The following PDE11A variants were observed in gnomAD, a reference collection of about 807,000 sequenced individuals.
PDE11A encodes the protein phosphodiesterase 11A, also known as dual 3',5'-cyclic-AMP and -GMP phosphodiesterase 11A.
A neutral mutation model predicts 100.5 loss-of-function variants in PDE11A; 100 were observed. The observed-to-expected ratio is 1.00, with a 90% CI of 0.85 to 1.18. The LOEUF is 1.18. Among genes scored for constraint, PDE11A ranks in the 50% most tolerant of loss-of-function variants. The pLI is 0.00. For synonymous variants in PDE11A, 381 were observed against 420.8 expected, an observed-to-expected ratio of 0.91 and a Z score of 1.16; for missense variants, 1,141 against 1,152.6, an observed-to-expected ratio of 0.99 and a Z score of 0.15.
chr2:177,860,057 C>G (rs1256847483), intron 5 of PDE11A, among the ~76,000 whole-genome samples: 1 of 151,560 alleles, frequency 6.6e-6, no homozygotes, highest in African/African-American at 2.4e-5. Context: ...CCTTAAGATA[C>G]TAGAAAAAGG....
chr2:178,078,978 C>G (rs958922409), intron 2 of PDE11A, among the ~76,000 whole-genome samples: 1 of 152,108 alleles, frequency 6.6e-6, no homozygotes, highest in African/African-American at 2.4e-5. Context: ...TGAAGTCTGA[C>G]AGACAAGGAA....
chr2:178,038,243 C>T (rs980521399), intron 1 of PDE11A, among the ~76,000 whole-genome samples: 2 of 151,974 alleles, frequency 1.3e-5, no homozygotes, highest in African/African-American at 4.8e-5. Flanking sequence ...ATCACCCCCA[C>T]CAAAGTTTCT....
intron 2 of PDE11A, among the ~76,000 whole-genome samples, chr2:177,942,406 A>ATTAT (rs1553492182): frequency 1.5e-5 from 2 of 136,864 alleles, no homozygotes; most frequent in South Asian, 2.4e-4. Context: ...TTTTAAAATT[A>ATTAT]TTTTTTTTTT....
At chr2:177,897,714 G>C (rs1192963307) in intron 4 of PDE11A, among the ~76,000 whole-genome samples, 1 of 152,138 alleles carries the variant, frequency 6.6e-6, no homozygotes, top group Non-Finnish European at 1.5e-5. Flanking sequence ...ACCCTTCATA[G>C]GTAAATAAAA....
At chr2:178,095,503 T>C (rs941999644) in intron 2 of PDE11A, among the ~76,000 whole-genome samples, 1 of 152,212 alleles carries the variant, frequency 6.6e-6, no homozygotes, top group Non-Finnish European at 1.5e-5. Flanking sequence ...CAGGCTGGCA[T>C]TGAGTGTCTG....
At chr2:177,808,925 T>G (rs554687944) in intron 9 of PDE11A, among the ~76,000 whole-genome samples, 2 of 152,306 alleles carry the variant, frequency 1.3e-5, no homozygotes, top group Non-Finnish European at 2.9e-5. Context: ...GGAATATTAT[T>G]CAAGCCTTAA....
At chr2:177,750,260 T>C (rs1323753006) in intron 10 of PDE11A, among the ~76,000 whole-genome samples, 1 of 152,224 alleles carries the variant, frequency 6.6e-6, no homozygotes, top group Non-Finnish European at 1.5e-5. Context: ...GGGGGCAATT[T>C]ATAACTCAAA....
At chr2:177,644,035 A>G (rs1037631528) in intron 19 of PDE11A, among the ~76,000 whole-genome samples, 3 of 152,250 alleles carry the variant, frequency 2.0e-5, no homozygotes, top group African/African-American at 7.2e-5. Context: ...AGTCTTCTGC[A>G]GGGGTGGGGC....
chr2:177,774,619 T>C (rs954885385), intron 9 of PDE11A, among the ~76,000 whole-genome samples: 20 of 152,248 alleles, frequency 1.3e-4, no homozygotes, highest in African/African-American at 4.6e-4. Context: ...TCTTCTTCAG[T>C]GATGCCATAC....
At position 177,817,948 on chromosome 2, in the gene PDE11A, G is replaced by C. The variant is rs986019926; in HGVS notation, c.1577-23C>G. The C allele has an allele frequency of 6.0e-6, 7 of 1,174,296 alleles. No homozygotes were observed. The African/African-American group carries it at 9.3e-5, about 16-fold the overall frequency. 72.7% of individuals were successfully genotyped at this position (1,174,296 alleles called of 1,614,324 possible). ...CTCCTATGGGGAAAGAGTGGATTAT[G>C]TGGTCATTTTTAGTACTGGACATTG... On this transcript the variant is annotated intron_variant, in intron 7 of 19. Transcript: ENST00000286063.
chr2:177,793,698 CTG>C (rs2082663877), intron 9 of PDE11A, among the ~76,000 whole-genome samples: 1 of 152,108 alleles, frequency 6.6e-6, no homozygotes, highest in African/African-American at 2.4e-5. Flanking sequence ...TACAAGCAAA[CTG>C]GAACCCAAAA....
intron 2 of PDE11A, among the ~76,000 whole-genome samples, chr2:178,013,388 TAAA>T (rs910560997): frequency 5.3e-5 from 8 of 152,308 alleles, no homozygotes; most frequent in Non-Finnish European, 1.2e-4. Context: ...AATTCCACTA[TAAA>T]AATGACCTCA....
At chr2:177,671,230 G>A (rs530265484) in intron 17 of PDE11A, among the ~76,000 whole-genome samples, 9 of 151,790 alleles carry the variant, frequency 5.9e-5, no homozygotes, top group Admixed American at 2.6e-4. Flanking sequence ...AAATTCTGTC[G>A]TTGCTCTTTC....
chr2:177,855,441 T>C (rs2083815080), intron 5 of PDE11A, among the ~76,000 whole-genome samples: 1 of 152,098 alleles, frequency 6.6e-6, no homozygotes, highest in Non-Finnish European at 1.5e-5. Context: ...TGAGTATTTA[T>C]TCAACTGTAG....
At chr2:177,944,870 T>C (rs1164981454) in intron 2 of PDE11A, among the ~76,000 whole-genome samples, 1 of 128,148 alleles carries the variant, frequency 7.8e-6, no homozygotes, top group Non-Finnish European at 1.7e-5. Context: ...ACGGTCTCCC[T>C]CTCATGTGGA....
intron 4 of PDE11A, among the ~76,000 whole-genome samples, chr2:177,876,301 A>G (rs1373998574): frequency 1.6e-5 from 2 of 123,354 alleles, no homozygotes; most frequent in Admixed American, 7.3e-5. Flanking sequence ...ACACCCCTCA[A>G]AGAAGATGCC....
chr2:177,751,847 A>G (rs2105477917), intron 10 of PDE11A, among the ~76,000 whole-genome samples: 1 of 152,332 alleles, frequency 6.6e-6, no homozygotes, highest in East Asian at 1.9e-4. Context: ...TAGGATACAT[A>G]CAGGTTTTTT....
At chr2:178,020,891 T>C (rs2086399100) in intron 1 of PDE11A, among the ~76,000 whole-genome samples, 2 of 141,334 alleles carry the variant, frequency 1.4e-5, no homozygotes, top group South Asian at 4.6e-4. Flanking sequence ...AGATTTTTTC[T>C]ATTAAGTCTT....
At chr2:177,726,981 GC>G (rs1338826849) in intron 12 of PDE11A, among the ~76,000 whole-genome samples, 1 of 152,018 alleles carries the variant, frequency 6.6e-6, no homozygotes, top group East Asian at 1.9e-4. Context: ...GCCAAAAAAA[GC>G]CTTATTTCTT....
Sources: gnomAD v4.1 joint callset for allele counts (sites outside exome capture counted in the v4.1 genomes callset) on GRCh38, gnomAD v4.1.1 for gene constraint, MANE v1.5 for transcripts, NCBI Gene and HGNC (gene_info 2026-07-23, HGNC 2026-07-21) for gene names.